CEP128: variants seen among roughly 807,000 people sequenced by gnomAD.
The protein encoded by CEP128 is centrosomal protein 128kDa.
In CEP128, 132 loss-of-function variants were observed where a neutral mutation model predicts 156.7. The ratio of observed to expected loss-of-function variants is 0.84; its 90% confidence interval spans 0.73 to 0.97. CEP128 has a LOEUF of 0.97. Ranked by LOEUF, CEP128 falls within the 50% of genes least tolerant of loss-of-function variation. The pLI, the probability that CEP128 is intolerant of heterozygous loss-of-function variation, is 0.00. For synonymous variants in CEP128, 469 were observed against 448.9 expected (o/e 1.04, Z -0.57); for missense variants, 1,252 against 1,281.9 (o/e 0.98, Z 0.36).
intron 21 of CEP128, among the ~76,000 whole-genome samples, chr14:80,541,983 T>A (rs918370051): frequency 6.6e-6 from 1 of 152,042 alleles, no homozygotes; most frequent in African/African-American, 2.4e-5. Context: ...GCAGAGTTGT[T>A]GTAAGGATCA....
intron 14 of CEP128, among the ~76,000 whole-genome samples, chr14:80,791,231 T>A (rs1901689859): frequency 6.6e-6 from 1 of 152,232 alleles, no homozygotes; most frequent in African/African-American, 2.4e-5. Context: ...CTGCATTAAT[T>A]TTTAAGGCTT....
At chr14:80,736,979 A>G (rs1898563262) in intron 19 of CEP128, among the ~76,000 whole-genome samples, 1 of 152,256 alleles carries the variant, frequency 6.6e-6, no homozygotes, top group Non-Finnish European at 1.5e-5. Context: ...AACATATGAG[A>G]AACAAAATTA....
chr14:80,780,133 GA>G (rs974206855), intron 15 of CEP128, among the ~76,000 whole-genome samples: 4 of 152,022 alleles, frequency 2.6e-5, no homozygotes, highest in African/African-American at 9.6e-5. Flanking sequence ...CTAGAAGGAG[GA>G]AAAAAATAGA....
chr14:80,614,647 T>G (rs963098560), intron 19 of CEP128, among the ~76,000 whole-genome samples: 1 of 152,224 alleles, frequency 6.6e-6, no homozygotes, highest in Non-Finnish European at 1.5e-5. Flanking sequence ...TCTATTTTCA[T>G]AGTGCTGCTC....
At chr14:80,770,376 C>A (rs953689989) in intron 16 of CEP128, among the ~76,000 whole-genome samples, 4 of 152,148 alleles carry the variant, frequency 2.6e-5, no homozygotes, top group African/African-American at 9.6e-5. Flanking sequence ...CTTCTCTTTG[C>A]CACAGCTGCA....
chr14:80,659,073 TA>T (rs1403335149), intron 19 of CEP128, among the ~76,000 whole-genome samples: 1 of 152,192 alleles, frequency 6.6e-6, no homozygotes, highest in Non-Finnish European at 1.5e-5. Context: ...TGACAAGTGG[TA>T]AAATGTTTTC....
chr14:80,776,197 C>T (rs995481466), intron 16 of CEP128, among the ~76,000 whole-genome samples: 1 of 152,038 alleles, frequency 6.6e-6, no homozygotes, highest in Non-Finnish European at 1.5e-5. Flanking sequence ...AAATATAAAA[C>T]ACATTAATGC....
chr14:80,908,016 A>G (rs1197030531), intron 4 of CEP128, among the ~76,000 whole-genome samples: 1 of 152,088 alleles, frequency 6.6e-6, no homozygotes, highest in East Asian at 1.9e-4. Flanking sequence ...GCTAAACTCA[A>G]TTTCAGTATC....
At chr14:80,958,821 A>AGT (rs1886858967) in intron 1 of CEP128, among the ~76,000 whole-genome samples, 2 of 152,120 alleles carry the variant, frequency 1.3e-5, no homozygotes, top group African/African-American at 2.4e-5. Context: ...GTTCTCTCAC[A>AGT]AGTTTTGTAT....
In CEP128 at chr14:80,823,825, G is replaced by A. The variant is rs530264441; in HGVS notation, c.1209+7318C>T. Among the ~76,000 whole-genome samples the A allele has an allele frequency of 4.1e-3, 617 of 152,328 alleles. 5 individuals are homozygous for A. Among genetic ancestry groups the A allele is most frequent in the Non-Finnish European group, 7.2e-3 (493 of 68,028 alleles). ...GCTGTTCATGGATCTACCATGCTGGGATCTGGAGGAAGTGGTCCTCTTCTC... is the reference window on the plus strand; with the variant it reads ...GCTGTTCATGGATCTACCATGCTGGAATCTGGAGGAAGTGGTCCTCTTCTC... On this transcript the variant is annotated intron_variant, in intron 13 of 24. Coordinates refer to ENST00000555265, the MANE Select transcript of CEP128 (RefSeq NM_152446.5).
intron 19 of CEP128, among the ~76,000 whole-genome samples, chr14:80,580,744 T>G (rs1288235610): frequency 6.6e-6 from 1 of 152,188 alleles, no homozygotes. Context: ...CTCATGCTTA[T>G]ATAACTCAAT....
chr14:80,491,357 ACT>A (rs1257956640), intron 6 of CEP128, among the ~76,000 whole-genome samples: 2 of 151,932 alleles, frequency 1.3e-5, no homozygotes, highest in Non-Finnish European at 2.9e-5. Context: ...TCTGCCAGTG[ACT>A]CTGGGCAGGA....
At chr14:80,519,370 A>C in intron 23 of CEP128, among the ~76,000 whole-genome samples, 1 of 152,334 alleles carries the variant, frequency 6.6e-6, no homozygotes, top group East Asian at 1.9e-4. Flanking sequence ...AATGATACCC[A>C]CCAAGTATTT....
chr14:80,768,428 A>G (rs1900350396), intron 16 of CEP128, among the ~76,000 whole-genome samples: 1 of 152,184 alleles, frequency 6.6e-6, no homozygotes, highest in Non-Finnish European at 1.5e-5. Flanking sequence ...TTAACAAGCA[A>G]AGGAACACTA....
chr14:80,574,373 G>A (rs1302541824), intron 20 of CEP128, among the ~76,000 whole-genome samples: 1 of 152,096 alleles, frequency 6.6e-6, no homozygotes, highest in Non-Finnish European at 1.5e-5. Context: ...ACTGGTTATG[G>A]GCATGCTACA....
At chr14:80,912,595 A>C (rs1465621680) in intron 4 of CEP128, among the ~76,000 whole-genome samples, 1 of 152,198 alleles carries the variant, frequency 6.6e-6, no homozygotes, top group Non-Finnish European at 1.5e-5. Flanking sequence ...AAGTCTATAG[A>C]GCTCCATTGG....
chr14:80,527,021 T>A (rs559169851), intron 22 of CEP128, 39 bp from the exon 23 acceptor site: 5 of 931,666 alleles, frequency 5.4e-6, no homozygotes, highest in African/African-American at 3.4e-5. Context: ...AACTGGTAGA[T>A]GAAAGAAAAT....
At chr14:80,571,195 C>A (rs911742874) in intron 20 of CEP128, among the ~76,000 whole-genome samples, 1 of 152,126 alleles carries the variant, frequency 6.6e-6, no homozygotes, top group Non-Finnish European at 1.5e-5. Context: ...TTTTTTGGAT[C>A]TGGACCGCAG....
chr14:80,703,142 C>T (rs1035290636), intron 19 of CEP128, among the ~76,000 whole-genome samples: 1 of 152,070 alleles, frequency 6.6e-6, no homozygotes, highest in Non-Finnish European at 1.5e-5. Flanking sequence ...AAATCAATCA[C>T]TCTTGTGTTA....
Sources: gnomAD v4.1 joint callset for allele counts (sites outside exome capture counted in the v4.1 genomes callset) on GRCh38, gnomAD v4.1.1 for gene constraint, MANE v1.5 for transcripts, NCBI Gene and HGNC (gene_info 2026-07-23, HGNC 2026-07-21) for gene names.